ANKRD34C: variants seen among roughly 807,000 people sequenced by gnomAD.
The protein encoded by ANKRD34C is ankyrin repeat domain-containing protein 34C.
For missense variants in ANKRD34C, 563 were observed against 653.0 expected (o/e 0.86, Z 1.50); for synonymous variants, 260 against 253.6 (o/e 1.03, Z -0.24).
intron 1 of ANKRD34C, among the ~76,000 whole-genome samples, chr15:79,285,669 C>T (rs1178938397): frequency 6.6e-6 from 1 of 152,176 alleles, no homozygotes; most frequent in African/African-American, 2.4e-5. Context: ...ATGTGTGAAT[C>T]GGGCCAATTG....
At chr15:79,290,391 G>A (rs2058656166) in intron 1 of ANKRD34C, among the ~76,000 whole-genome samples, 1 of 151,986 alleles carries the variant, frequency 6.6e-6, no homozygotes, top group South Asian at 2.1e-4. Flanking sequence ...ATGTCTTTTG[G>A]TACACATATT....
In ANKRD34C at chr15:79,294,007, G is replaced by A. The variant is rs776080071; in HGVS notation, c.723G>A (p.Arg241=). The part of the protein sequence containing the change: ...SPTRKVSNLK[R]ARLPQLKRLQ... ...CCAGGAAAGTCAGTAATCTCAAAAG[G>A]GCCCGTTTGCCTCAACTGAAGAGGC... The change falls in exon 2 of 2, where the codon AGG becomes AGA. Residue 241 remains arginine, a synonymous_variant. Coordinates refer to ENST00000421388, the MANE Select transcript of ANKRD34C (RefSeq NM_001146341.2). The A allele has an allele frequency of 8.4e-6, 13 of 1,551,530 alleles. No individual in the cohort carries two copies. The highest frequency in any genetic ancestry group is 1.1e-5 in the Non-Finnish European group (13 of 1,146,988).
At chr15:79,289,039 C>T (rs1456257741) in intron 1 of ANKRD34C, among the ~76,000 whole-genome samples, 2 of 151,916 alleles carry the variant, frequency 1.3e-5, no homozygotes, top group African/African-American at 2.4e-5. Context: ...CAGCTGGTCT[C>T]GAACTCCTGA....
Position 79,296,207 on chromosome 15 carries a change from C to T in ANKRD34C, c.*1315C>T, listed in dbSNP as rs2058672036. 2 of 166,862 alleles carry T rather than the reference C, an allele frequency of 1.2e-5. No individual in the cohort carries two copies. The highest frequency in any genetic ancestry group is 4.1e-4 in the South Asian group (2 of 4,832). The allele number at this position is 166,862 out of a possible 1,614,324, so 10.3% of individuals were successfully genotyped here. A position where few individuals can be genotyped will look rare whatever the true frequency, so the allele number is the denominator to read the frequency against. ...TTTGAGTCTGACATATTTGGGTTTGCATACCAGTCTTATCATTTACCAGCT... is the reference window on the plus strand; with the variant it reads ...TTTGAGTCTGACATATTTGGGTTTGTATACCAGTCTTATCATTTACCAGCT... On this transcript the variant is annotated 3_prime_UTR_variant, in exon 2 of 2. Transcript: ENST00000421388.
rs1441916672 is a variant in ANKRD34C at position 79,295,539 on chromosome 15, C to T, written c.*647C>T. The T allele has an allele frequency of 6.0e-6, 1 of 167,036 alleles. No homozygotes were observed. Among genetic ancestry groups the T allele is most frequent in the Non-Finnish European group, 1.5e-5 (1 of 68,118 alleles). The allele number at this position is 167,036 out of a possible 1,614,324, so 10.3% of individuals were successfully genotyped here. A position where few individuals can be genotyped will look rare whatever the true frequency, so the allele number is the denominator to read the frequency against. On this transcript the variant is annotated 3_prime_UTR_variant, in exon 2 of 2. Transcript: ENST00000421388. ...GTACCCAAATATCCCATCTATGTGGCCCCTGAATTATGATATGTCATAGTA... is the reference window on the plus strand; with the variant it reads ...GTACCCAAATATCCCATCTATGTGGTCCCTGAATTATGATATGTCATAGTA...
rs984065205 is a variant in ANKRD34C at position 79,294,692 on chromosome 15, C to A, written c.1408C>A (p.Leu470Met). 5.8e-6 allele frequency: 9 copies of A among 1,551,616 alleles called. No individual in the cohort carries two copies. Among genetic ancestry groups the A allele is most frequent in the Admixed American group, 2.0e-5 (1 of 50,988 alleles). ...CTTCCTGCCGCCTTTAAATGTGAAT[C>A]TGAACCCGCCTATTCCAGATATTAG... ...PGFLPPLNVNLNPPIPDIRSS... is the reference protein window; with the variant it reads ...PGFLPPLNVNMNPPIPDIRSS... The change falls in exon 2 of 2, where the codon CTG becomes ATG. Residue 470 changes from leucine (L) to methionine (M), a missense_variant. Coordinates refer to ENST00000421388, the MANE Select transcript of ANKRD34C (RefSeq NM_001146341.2).
At chr15:79,284,493 T>A (rs2058637970) in intron 1 of ANKRD34C, among the ~76,000 whole-genome samples, 1 of 152,146 alleles carries the variant, frequency 6.6e-6, no homozygotes, top group Non-Finnish European at 1.5e-5. Flanking sequence ...GTGGAAAGAC[T>A]GGCAAACTGG....
intron 1 of ANKRD34C, among the ~76,000 whole-genome samples, chr15:79,287,273 G>T (rs1324159247): frequency 2.0e-5 from 3 of 152,104 alleles, no homozygotes; most frequent in African/African-American, 7.2e-5. Context: ...TTACCTTCCT[G>T]AGACTCAGTT....
chr15:79,294,819 A>G lies in ANKRD34C; in HGVS notation c.1535A>G (p.Lys512Arg), dbSNP rs540170071. The G allele has an allele frequency of 6.4e-7, 1 of 1,551,500 alleles. No homozygotes were observed. Among genetic ancestry groups the G allele is most frequent in the East Asian group, 2.4e-5 (1 of 40,926 alleles). ...AGAGTTGACTTAAGAAGTAAAAAGAAGCTCCTCAGAAGGCATTCTATGCAA... is the reference window on the plus strand; with the variant it reads ...AGAGTTGACTTAAGAAGTAAAAAGAGGCTCCTCAGAAGGCATTCTATGCAA... The part of the protein sequence containing the change: ...PKRVDLRSKK[K>R]LLRRHSMQIE... The change falls in exon 2 of 2, where the codon AAG becomes AGG. Residue 512 changes from lysine to arginine, a missense_variant. Coordinates refer to ENST00000421388, the MANE Select transcript of ANKRD34C (RefSeq NM_001146341.2).
intron 1 of ANKRD34C, among the ~76,000 whole-genome samples, chr15:79,290,145 C>T (rs947622616): frequency 6.6e-6 from 1 of 151,464 alleles, no homozygotes. Flanking sequence ...CTGCCTCAGC[C>T]TCCTCAGAAG....
chr15:79,288,774 TGCGACCATGTAAACAGCAGTCTTTTAA>T (rs1261093160), intron 1 of ANKRD34C, among the ~76,000 whole-genome samples: 72 of 151,548 alleles, frequency 4.8e-4, no homozygotes, highest in African/African-American at 1.5e-3. Context: ...TATTGTCAAC[TGCGACCATGTAAACAGCAGTCTTTTAA>T]GCCCAGTATT....
rs912758835 is a variant in ANKRD34C at position 79,292,742 on chromosome 15, A to C, written c.-44-499A>C. Reference sequence around the variant, plus strand: ...GGATTGACATTTTGGTGTGTTTCCTAATAGTCTTTTTGATGTGCACCAACA... The same window carrying C: ...GGATTGACATTTTGGTGTGTTTCCTCATAGTCTTTTTGATGTGCACCAACA... On this transcript the variant is annotated intron_variant, in intron 1 of 1. Coordinates refer to ENST00000421388, the MANE Select transcript of ANKRD34C (RefSeq NM_001146341.2). Among the ~76,000 whole-genome samples the C allele has an allele frequency of 1.6e-4, 25 of 152,238 alleles. 1 individual carries two copies. Among genetic ancestry groups the C allele is most frequent in the African/African-American group, 5.3e-4 (22 of 41,476 alleles).
At position 79,297,599 on chromosome 15, in the gene ANKRD34C, A is replaced by G. The variant is rs1349512838; in HGVS notation, c.*2707A>G. 3 of 167,074 alleles carry G rather than the reference A, an allele frequency of 1.8e-5. No homozygotes were observed. Among genetic ancestry groups the G allele is most frequent in the African/African-American group, 7.2e-5 (3 of 41,448 alleles). The allele number at this position is 167,074 out of a possible 1,614,324, so 10.3% of individuals were successfully genotyped here. A position where few individuals can be genotyped will look rare whatever the true frequency, so the allele number is the denominator to read the frequency against. ...TCATGACCTTTGCATCAGCCTTTCAATAGACAGTCATCAGGCTAGTATCTT... is the reference window on the plus strand; with the variant it reads ...TCATGACCTTTGCATCAGCCTTTCAGTAGACAGTCATCAGGCTAGTATCTT... On this transcript the variant is annotated 3_prime_UTR_variant, in exon 2 of 2. Coordinates refer to ENST00000421388, the MANE Select transcript of ANKRD34C (RefSeq NM_001146341.2).
intron 1 of ANKRD34C, among the ~76,000 whole-genome samples, chr15:79,288,357 C>G (rs1175195462): frequency 3.3e-5 from 5 of 152,182 alleles, no homozygotes; most frequent in African/African-American, 1.2e-4. Context: ...ATTATTCTGT[C>G]ATATGGAAAT....
chr15:79,294,389 C>T lies in ANKRD34C; in HGVS notation c.1105C>T (p.Pro369Ser). The part of the protein sequence containing the change: ...GPSGPSALKE[P>S]ASLKWLENDL... ...ATCAGGACCCTCTGCTCTCAAAGAG[C>T]CTGCATCCCTCAAATGGCTGGAAAA... The change falls in exon 2 of 2, where the codon CCT (proline) becomes TCT (serine). Residue 369 changes from proline to serine, a missense_variant. By Grantham distance (74) the Pro-to-Ser change is moderately conservative. Transcript: ENST00000421388. 6.4e-7 allele frequency: 1 copy of T among 1,551,512 alleles called. No homozygotes were observed. The highest frequency in any genetic ancestry group is 8.7e-7 in the Non-Finnish European group (1 of 1,146,928).
intron 1 of ANKRD34C, chr15:79,283,521 A>G (rs1257939175): frequency 2.6e-5 from 4 of 152,238 alleles, no homozygotes; most frequent in African/African-American, 9.7e-5. Context: ...AAGGGGAAGA[A>G]AGGTCGTCAG....
rs143968951 is a variant in ANKRD34C, at chr15:79,293,870, C to G, written c.586C>G (p.Leu196Val). 1 of 1,551,704 alleles carries G rather than the reference C, an allele frequency of 6.4e-7. No individual in the cohort carries two copies. Among genetic ancestry groups the G allele is most frequent in the African/African-American group, 1.4e-5 (1 of 73,164 alleles). ...TCCCTCTGACATAGAGCTGAAGGCT[C>G]TAGGCCTGGACTCTCCACTCACTGA... ...ASPSDIELKA[L>V]GLDSPLTEKE... The change falls in exon 2 of 2, where the codon CTA becomes GTA. Residue 196 changes from leucine to valine, a missense_variant. By Grantham distance (32) the Leu-to-Val change is conservative. Transcript: ENST00000421388.
chr15:79,290,730 T>C (rs2141201911), intron 1 of ANKRD34C, among the ~76,000 whole-genome samples: 1 of 152,334 alleles, frequency 6.6e-6, no homozygotes, highest in East Asian at 1.9e-4. Flanking sequence ...GACACAAGGC[T>C]GACTCCTAGT....
intron 1 of ANKRD34C, among the ~76,000 whole-genome samples, chr15:79,289,472 G>A (rs1272172826): frequency 6.6e-6 from 1 of 152,168 alleles, no homozygotes; most frequent in Non-Finnish European, 1.5e-5. Context: ...CTGAGCATAG[G>A]GGAGGAGGAG....
Sources: gnomAD v4.1 joint callset for allele counts (sites outside exome capture counted in the v4.1 genomes callset) on GRCh38, gnomAD v4.1.1 for gene constraint, MANE v1.5 for transcripts, NCBI Gene and HGNC (gene_info 2026-07-23, HGNC 2026-07-21) for gene names.